Variants in PTTG1IP2 observed in about 807,000 individuals in gnomAD.
PTTG1IP2 encodes the protein PTTG1IP family member 2.
chr7:90,470,682 G>A (rs758489056), intron 1 of PTTG1IP2, among the ~76,000 whole-genome samples: 7 of 152,146 alleles, frequency 4.6e-5, no homozygotes, highest in African/African-American at 1.4e-4. Flanking sequence ...AATCTCCTTC[G>A]AGGGGGTAGG....
intron 2 of PTTG1IP2, among the ~76,000 whole-genome samples, chr7:90,485,037 C>G (rs112689821): frequency 2.0e-5 from 3 of 152,038 alleles, no homozygotes; most frequent in African/African-American, 7.2e-5. Flanking sequence ...TAGGCTACTG[C>G]CTGGGTCAAA....
At chr7:90,481,907 T>A (rs992403800) in intron 2 of PTTG1IP2, among the ~76,000 whole-genome samples, 1 of 152,154 alleles carries the variant, frequency 6.6e-6, no homozygotes, top group African/African-American at 2.4e-5. Context: ...GTAAATTAAT[T>A]CAGTATACTC....
chr7:90,495,936 C>G (rs1452734787), intron 6 of PTTG1IP2, among the ~76,000 whole-genome samples: 1 of 152,166 alleles, frequency 6.6e-6, no homozygotes, highest in Non-Finnish European at 1.5e-5. Context: ...AAGGCAATCT[C>G]TCAGTATCTA....
intron 6 of PTTG1IP2, among the ~76,000 whole-genome samples, chr7:90,506,703 G>T (rs1181848761): frequency 6.6e-6 from 1 of 152,060 alleles, no homozygotes; most frequent in African/African-American, 2.4e-5. Flanking sequence ...AGAGATGAAG[G>T]CTGCAGCAAG....
intron 6 of PTTG1IP2, 143 bp from the exon 7 acceptor site, chr7:90,513,135 G>C (rs780612176): frequency 3.9e-5 from 6 of 152,628 alleles, no homozygotes. Context: ...CTTTTCAAGG[G>C]ATGAATCAGG....
At chr7:90,507,978 C>T (rs1200376902) in intron 6 of PTTG1IP2, among the ~76,000 whole-genome samples, 1 of 152,142 alleles carries the variant, frequency 6.6e-6, no homozygotes, top group South Asian at 2.1e-4. Flanking sequence ...AAATATCAGA[C>T]TGGGCACAAT....
intron 6 of PTTG1IP2, among the ~76,000 whole-genome samples, chr7:90,499,877 CT>C (rs1401267576): frequency 3.9e-5 from 6 of 152,124 alleles, no homozygotes; most frequent in Admixed American, 3.9e-4. Context: ...GCCACTGCAC[CT>C]GGCCAGTGTT....
intron 2 of PTTG1IP2, among the ~76,000 whole-genome samples, chr7:90,483,893 T>C (rs1358818885): frequency 2.0e-5 from 3 of 152,200 alleles, no homozygotes; most frequent in African/African-American, 7.2e-5. Flanking sequence ...CACTGTGTCC[T>C]CACTCTTGTG....
Position 90,501,752 on chromosome 7 carries a change from G to A in PTTG1IP2, c.*50+7322G>A, listed in dbSNP as rs555591287. On this transcript the variant is annotated intron_variant, in intron 6 of 6. Coordinates refer to ENST00000509356, the MANE Select transcript of PTTG1IP2 (RefSeq NM_001365443.2). ...AAAGTCACAACATTTTTTCTAGTGA[G>A]GGTCTTCCGTTGGTGTTGATGGTTG... Among the ~76,000 whole-genome samples, 21 of 152,298 alleles carry A rather than the reference G, an allele frequency of 1.4e-4. No individual in the cohort carries two copies. In the South Asian group the frequency reaches 2.1e-3, roughly 15 times the overall value.
At chr7:90,498,848 T>G (rs1199365329) in intron 6 of PTTG1IP2, among the ~76,000 whole-genome samples, 1 of 152,200 alleles carries the variant, frequency 6.6e-6, no homozygotes, top group Non-Finnish European at 1.5e-5. Flanking sequence ...TTTAAAAATT[T>G]TTTTTTAATT....
intron 1 of PTTG1IP2, among the ~76,000 whole-genome samples, chr7:90,470,753 G>C (rs1044592912): frequency 6.6e-6 from 1 of 152,076 alleles, no homozygotes; most frequent in African/African-American, 2.4e-5. Context: ...CTTTCCCACA[G>C]ATTTCTCTTT....
rs542818468 is a variant in PTTG1IP2 at position 90,469,894 on chromosome 7, C to T, written c.108C>T (p.Pro36=). The T allele has an allele frequency of 6.5e-6, 1 of 152,750 alleles. No individual in the cohort carries two copies. The highest frequency in any genetic ancestry group is 2.4e-5 in the African/African-American group (1 of 41,554). 9.5% of individuals were successfully genotyped at this position (152,750 alleles called of 1,614,324 possible). ...SFSENGFIHS[P]RNNQKPRDGN... ...CAGAGAATGGTTTTATCCACAGCCC[C>T]AGGAACAATCAGAAACCAAGAGATG... The change falls in exon 1 of 7, where the codon CCC becomes CCT. Residue 36 remains proline, a synonymous_variant. Transcript: ENST00000509356.
At chr7:90,497,713 TATAAAAAAAAAAAAA>T (rs1399336275) in intron 6 of PTTG1IP2, among the ~76,000 whole-genome samples, 7 of 49,598 alleles carry the variant, frequency 1.4e-4, no homozygotes, top group African/African-American at 6.1e-4. Context: ...AAAGACCCTG[TATAAAAAAAAAAAAA>T]AAAAAAAAAA....
At chr7:90,508,159 T>G (rs2116129648) in intron 6 of PTTG1IP2, among the ~76,000 whole-genome samples, 1 of 148,898 alleles carries the variant, frequency 6.7e-6, no homozygotes, top group African/African-American at 2.5e-5. Flanking sequence ...CCCAGTGACT[T>G]GGGGGGCTGA....
chr7:90,479,458 A>G (rs1797791461), intron 2 of PTTG1IP2, among the ~76,000 whole-genome samples, 184 bp downstream of exon 2: 2 of 152,230 alleles, frequency 1.3e-5, no homozygotes, highest in South Asian at 2.1e-4. Flanking sequence ...GAAATAAACA[A>G]TGGAGATAAT....
chr7:90,489,172 A>T (rs1301985384), intron 4 of PTTG1IP2, among the ~76,000 whole-genome samples: 4 of 151,424 alleles, frequency 2.6e-5, no homozygotes, highest in Non-Finnish European at 4.4e-5. Flanking sequence ...CCCACCTCTA[A>T]CACTGTCTTC....
At chr7:90,504,921 T>A (rs1798107501) in intron 6 of PTTG1IP2, among the ~76,000 whole-genome samples, 1 of 152,230 alleles carries the variant, frequency 6.6e-6, no homozygotes, top group Non-Finnish European at 1.5e-5. Flanking sequence ...TTTGTTTGTT[T>A]GGTAGAAACA....
At chr7:90,497,739 A>G (rs866277931) in intron 6 of PTTG1IP2, among the ~76,000 whole-genome samples, 2 of 143,726 alleles carry the variant, frequency 1.4e-5, no homozygotes, top group Admixed American at 7.0e-5. Context: ...AAAAAAAAAA[A>G]AAAAAGAAGA....
chr7:90,497,837 G>A (rs1398559501), intron 6 of PTTG1IP2, among the ~76,000 whole-genome samples: 1 of 150,872 alleles, frequency 6.6e-6, no homozygotes. Context: ...TGTCCAAAGT[G>A]TAGTTCAAGT....
Sources: gnomAD v4.1 joint callset for allele counts (sites outside exome capture counted in the v4.1 genomes callset) on GRCh38, gnomAD v4.1.1 for gene constraint, MANE v1.5 for transcripts, NCBI Gene and HGNC (gene_info 2026-07-23, HGNC 2026-07-21) for gene names.